MEIS1: variants seen among roughly 807,000 people sequenced by gnomAD.
MEIS1 encodes Meis homeobox 1.
In MEIS1, 5 loss-of-function variants were observed where a neutral mutation model predicts 50.8. The observed-to-expected ratio is 0.10, with a 90% CI of 0.05 to 0.21. MEIS1 has a LOEUF of 0.21. MEIS1 is among the 10% of genes least tolerant of loss of function. The pLI, the probability that MEIS1 is intolerant of heterozygous loss-of-function variation, is 1.00. For synonymous variants in MEIS1, 176 were observed against 179.3 expected, an observed-to-expected ratio of 0.98 and a Z score of 0.15; for missense variants, 318 against 517.3, an observed-to-expected ratio of 0.61 and a Z score of 3.74.
chr2:66,544,174 C>T (rs1403832477), intron 8 of MEIS1, among the ~76,000 whole-genome samples: 1 of 152,160 alleles, frequency 6.6e-6, no homozygotes, highest in Non-Finnish European at 1.5e-5. Flanking sequence ...TGCATGGCCT[C>T]ACTAGACCTG....
At chr2:66,539,997 C>T (rs1346448353) in intron 8 of MEIS1, among the ~76,000 whole-genome samples, 1 of 152,126 alleles carries the variant, frequency 6.6e-6, no homozygotes, top group Non-Finnish European at 1.5e-5. Context: ...AAATGAGAAA[C>T]AAATGGCAGT....
chr2:66,472,256 T>C (rs57643333), intron 7 of MEIS1, among the ~76,000 whole-genome samples: 9,236 of 152,248 alleles, frequency 0.061, 933 homozygotes, highest in African/African-American at 0.21. Context: ...GTGTCATTCT[T>C]GGCAAGGCAG....
At chr2:66,485,260 C>T (rs1673114534) in intron 7 of MEIS1, among the ~76,000 whole-genome samples, 1 of 152,046 alleles carries the variant, frequency 6.6e-6, no homozygotes, top group African/African-American at 2.4e-5. Context: ...TCCCCTTGCA[C>T]CCCACCCCGA....
chr2:66,502,845 A>G (rs1017893587), intron 7 of MEIS1, among the ~76,000 whole-genome samples: 1 of 152,214 alleles, frequency 6.6e-6, no homozygotes, highest in African/African-American at 2.4e-5. Flanking sequence ...CTTCCCCCTT[A>G]TTCTTATACT....
intron 6 of MEIS1, among the ~76,000 whole-genome samples, chr2:66,457,689 C>G (rs928023530): frequency 1.3e-5 from 2 of 152,112 alleles, no homozygotes; most frequent in Admixed American, 6.5e-5. Flanking sequence ...TTAGATGCAC[C>G]CCCCCAGACA....
At chr2:66,524,550 C>A (rs762817918) in intron 8 of MEIS1, among the ~76,000 whole-genome samples, 1 of 150,706 alleles carries the variant, frequency 6.6e-6, no homozygotes, top group African/African-American at 2.4e-5. Flanking sequence ...CAGAGTGGGA[C>A]CCTGTCTCAA....
chr2:66,555,659 T>G (rs1051996111), intron 9 of MEIS1, among the ~76,000 whole-genome samples: 6 of 152,080 alleles, frequency 3.9e-5, no homozygotes, highest in Non-Finnish European at 4.4e-5. Flanking sequence ...TCCACCTATT[T>G]TGTGTCAACA....
At position 66,571,477 on chromosome 2, in the gene MEIS1, A is replaced by G. The variant is rs1454362161; in HGVS notation, c.*269A>G. 1 of 1,593,782 alleles carries G rather than the reference A, an allele frequency of 6.3e-7. No homozygotes were observed. Among genetic ancestry groups the G allele is most frequent in the South Asian group, 1.1e-5 (1 of 88,590 alleles). On this transcript the variant is annotated 3_prime_UTR_variant, in exon 13 of 13. Transcript: ENST00000272369. ...TCAGCATCAAGCCCCACAGTTCTTA[A>G]TACAGGAGACCCAACAATGAGTGGA...
chr2:66,462,217 AGGTT>A (rs1348898190), intron 6 of MEIS1, among the ~76,000 whole-genome samples: 1 of 152,180 alleles, frequency 6.6e-6, no homozygotes, highest in Non-Finnish European at 1.5e-5. Flanking sequence ...GCTTCTGATG[AGGTT>A]GGTCTGTGGC....
At chr2:66,441,326 G>A (rs1305779082) in intron 4 of MEIS1, 88 bp from the exon 5 acceptor site, 2 of 1,111,178 alleles carry the variant, frequency 1.8e-6, no homozygotes, top group South Asian at 3.2e-5. Context: ...TTACTGGTGG[G>A]AGGGGGTGGG....
chr2:66,547,939 T>C lies in MEIS1; in HGVS notation c.889-4T>C, dbSNP rs753334317. 30 of 1,613,038 alleles carry C rather than the reference T, an allele frequency of 1.9e-5. No individual in the cohort carries two copies. The highest frequency in any genetic ancestry group is 2.5e-5 in the Non-Finnish European group (30 of 1,179,190). On this transcript the variant is annotated splice_polypyrimidine_tract_variant and splice_region_variant and intron_variant, in intron 8 of 12. Transcript: ENST00000272369. ...GCACACGTATCTTTTTTATTCTCTTTCAGCACCCTTACCCTTCTGAAGAAC... is the reference window on the plus strand; with the variant it reads ...GCACACGTATCTTTTTTATTCTCTTCCAGCACCCTTACCCTTCTGAAGAAC...
At position 66,568,676 on chromosome 2, in the gene MEIS1, G is replaced by T; in HGVS notation, c.1034G>T (p.Gly345Val). The T allele has an allele frequency of 6.2e-7, 1 of 1,613,612 alleles. No homozygotes were observed. Among genetic ancestry groups the T allele is most frequent in the South Asian group, 1.1e-5 (1 of 91,052 alleles). The change falls in exon 11 of 13, where the codon GGA (glycine) becomes GTA (valine). Residue 345 changes from glycine (G) to valine (V), a missense_variant. Physicochemically the swap from Gly to Val is moderately radical, Grantham distance 109. Around this residue, in one of 6 missense-constraint regions of MEIS1, gnomAD observed 54 missense variants for 75.0 expected, o/e 0.72. Coordinates refer to ENST00000272369, the MANE Select transcript of MEIS1 (RefSeq NM_002398.3). ...IDQSNRAVSQ[G>V]TPYNPDGQPM... ...TTCTGTACTTTTGTAGTAAGTCAAG[G>T]AACACCTTATAATCCTGATGGACAG...
chr2:66,495,727 G>A (rs138664190), intron 7 of MEIS1, among the ~76,000 whole-genome samples: 2 of 152,326 alleles, frequency 1.3e-5, no homozygotes, highest in East Asian at 1.9e-4. Context: ...CAGAGCCACT[G>A]AGCAGCAAGA....
intron 8 of MEIS1, among the ~76,000 whole-genome samples, chr2:66,517,444 C>G (rs1433279873): frequency 6.6e-6 from 1 of 151,912 alleles, no homozygotes; most frequent in African/African-American, 2.4e-5. Context: ...GTCCATGTAC[C>G]CTATCAAAAA....
chr2:66,461,684 G>A, intron 6 of MEIS1: 1 of 310,562 alleles, frequency 3.2e-6, no homozygotes, highest in Middle Eastern at 4.1e-4. Flanking sequence ...AAACTGAGGT[G>A]GAATCCAACA....
intron 6 of MEIS1, among the ~76,000 whole-genome samples, chr2:66,446,949 T>A (rs190518648): frequency 5.4e-4 from 82 of 152,330 alleles, no homozygotes; most frequent in African/African-American, 1.9e-3. Context: ...AAGCAGAGTT[T>A]GGCTTAAAAT....
chr2:66,538,243 A>T (rs1049073281), intron 8 of MEIS1, among the ~76,000 whole-genome samples: 1 of 152,244 alleles, frequency 6.6e-6, no homozygotes, highest in Non-Finnish European at 1.5e-5. Flanking sequence ...GACTACTTAG[A>T]GTCAAATCCC....
chr2:66,460,093 C>T (rs1279472911), intron 6 of MEIS1, among the ~76,000 whole-genome samples: 1 of 152,056 alleles, frequency 6.6e-6, no homozygotes, highest in Non-Finnish European at 1.5e-5. Flanking sequence ...AAAAAGTCAC[C>T]AGTGGTAACT....
chr2:66,476,273 A>G, intron 7 of MEIS1, among the ~76,000 whole-genome samples: 1 of 152,180 alleles, frequency 6.6e-6, no homozygotes, highest in East Asian at 1.9e-4. Flanking sequence ...GCTGAGTGTT[A>G]TGAATATTTG....
Sources: allele counts gnomAD v4.1 joint callset (sites outside exome capture counted in the v4.1 genomes callset), GRCh38; gene constraint gnomAD v4.1.1; regional missense constraint gnomAD v4.1.1; transcripts MANE v1.5; gene names NCBI Gene and HGNC (gene_info 2026-07-23, HGNC 2026-07-21).